Variants in BMPR1B observed in about 807,000 individuals in gnomAD.
BMPR1B encodes the protein bone morphogenetic protein receptor type-1B.
BMPR1B carries 12 observed loss-of-function variants against 59.1 expected under a neutral mutation model. The ratio of observed to expected loss-of-function variants is 0.20; its 90% CI spans 0.13 to 0.33. The LOEUF is 0.33. Among genes scored for constraint, BMPR1B ranks in the 10% least tolerant of loss-of-function variants. The pLI, the probability that BMPR1B is intolerant of heterozygous loss-of-function variation, is 1.00. For missense variants in BMPR1B, 550 were observed against 610.9 expected, an observed-to-expected ratio of 0.90 and a Z score of 1.05; for synonymous variants, 237 against 207.3, an observed-to-expected ratio of 1.14 and a Z score of -1.23.
At chr4:94,857,520 A>C (rs956577445) in intron 1 of BMPR1B, among the ~76,000 whole-genome samples, 1 of 152,214 alleles carries the variant, frequency 6.6e-6, no homozygotes, top group African/African-American at 2.4e-5. Flanking sequence ...AAAAAATTTT[A>C]GTTTACAAAA....
intron 3 of BMPR1B, chr4:95,091,407 A>G (rs1397299260): frequency 2.1e-6 from 2 of 943,348 alleles, no homozygotes; most frequent in Non-Finnish European, 2.5e-6. Flanking sequence ...TTGCCAGCTT[A>G]TAATCAAAGG....
chr4:95,114,645 GACACAC>G lies in BMPR1B; in HGVS notation c.144-56_144-51del, dbSNP rs10622489. 4,412 of 990,256 alleles carry G rather than the reference GACACAC, an allele frequency of 4.5e-3. 105 individuals are homozygous for G. The African/African-American group carries it at 0.062, about 14-fold the overall frequency. The allele number at this position is 990,256 out of a possible 1,614,324, so 61.3% of individuals were successfully genotyped here. On this transcript the variant is annotated intron_variant, in intron 4 of 12. Transcript: ENST00000515059. Reference sequence around the variant, plus strand: ...ACATCACTTATTTCCTTTTCCCCTAGACACACACACACACACACACACACTGACTCA... The same window carrying G: ...ACATCACTTATTTCCTTTTCCCCTAGACACACACACACACACACTGACTCA...
At chr4:95,110,108 A>G (rs868289828) in intron 4 of BMPR1B, among the ~76,000 whole-genome samples, 2 of 151,894 alleles carry the variant, frequency 1.3e-5, no homozygotes, top group African/African-American at 4.8e-5. Flanking sequence ...AGGGCGCTTT[A>G]AAATTATACA....
chr4:95,078,302 A>G (rs1192788588), intron 3 of BMPR1B, among the ~76,000 whole-genome samples: 2 of 152,196 alleles, frequency 1.3e-5, no homozygotes, highest in Non-Finnish European at 2.9e-5. Context: ...ATATTTTTAA[A>G]TTGGTTCTAA....
At chr4:95,131,079 C>A in intron 9 of BMPR1B, 136 bp from the exon 10 acceptor site, 2 of 896,646 alleles carry the variant, frequency 2.2e-6, no homozygotes, top group African/African-American at 1.7e-5. Context: ...CATTTAATAC[C>A]ATCATAGGCA....
At chr4:94,850,940 A>T (rs927843528) in intron 1 of BMPR1B, among the ~76,000 whole-genome samples, 6 of 152,196 alleles carry the variant, frequency 3.9e-5, no homozygotes, top group Admixed American at 3.3e-4. Context: ...GGCTGTGGCT[A>T]GTGCAATGAC....
At chr4:94,862,944 C>CA (rs768809079) in intron 1 of BMPR1B, among the ~76,000 whole-genome samples, 2,404 of 46,566 alleles carry the variant, frequency 0.052, 54 homozygotes, top group Non-Finnish European at 0.073. Context: ...GACTCCGTCT[C>CA]AAAAAAAAAA....
chr4:94,772,366 A>C (rs1452872268), intron 1 of BMPR1B, among the ~76,000 whole-genome samples: 1 of 152,194 alleles, frequency 6.6e-6, no homozygotes, highest in Non-Finnish European at 1.5e-5. Context: ...AGGCAGAGTT[A>C]CTGTAAAAAA....
intron 2 of BMPR1B, among the ~76,000 whole-genome samples, chr4:94,982,574 T>C (rs545043434): frequency 8.5e-5 from 13 of 152,316 alleles, no homozygotes; most frequent in South Asian, 6.2e-4. Flanking sequence ...GGTATCTGGA[T>C]TTTTAAAAAA....
At chr4:95,149,641 G>A (rs542358697) in intron 11 of BMPR1B, among the ~76,000 whole-genome samples, 1 of 152,114 alleles carries the variant, frequency 6.6e-6, no homozygotes, top group Non-Finnish European at 1.5e-5. Flanking sequence ...TGGCTTTTCT[G>A]TATCAACTCT....
chr4:95,017,272 A>G (rs1457606784), intron 3 of BMPR1B, among the ~76,000 whole-genome samples: 2 of 152,204 alleles, frequency 1.3e-5, no homozygotes, highest in Non-Finnish European at 2.9e-5. Context: ...GCCAGGTTCC[A>G]GTGTATAATT....
At chr4:94,946,803 C>T (rs561755119) in intron 2 of BMPR1B, among the ~76,000 whole-genome samples, 51 of 152,178 alleles carry the variant, frequency 3.4e-4, no homozygotes, top group African/African-American at 1.2e-3. Flanking sequence ...GTAATCCCAC[C>T]ACTTTGGGAG....
At chr4:95,148,399 T>G (rs910066498) in intron 10 of BMPR1B, among the ~76,000 whole-genome samples, 16 of 151,974 alleles carry the variant, frequency 1.1e-4, no homozygotes, top group Non-Finnish European at 2.2e-4. Context: ...TGACTGAGTT[T>G]TATCTTCATT....
chr4:94,908,052 C>A (rs1197850518), intron 2 of BMPR1B, among the ~76,000 whole-genome samples: 1 of 84,462 alleles, frequency 1.2e-5, no homozygotes, highest in Non-Finnish European at 2.3e-5. Flanking sequence ...TGCAGTGAGA[C>A]CCTGTCTTTA....
At chr4:95,139,217 C>T (rs566926353) in intron 10 of BMPR1B, among the ~76,000 whole-genome samples, 2 of 152,308 alleles carry the variant, frequency 1.3e-5, no homozygotes, top group South Asian at 4.1e-4. Flanking sequence ...CCAGCGGAGG[C>T]TGCAGAACAG....
At chr4:94,869,574 T>C (rs1726398091) in intron 1 of BMPR1B, among the ~76,000 whole-genome samples, 2 of 152,192 alleles carry the variant, frequency 1.3e-5, no homozygotes, top group South Asian at 2.1e-4. Flanking sequence ...TATTCCTTTT[T>C]CTTCTTTTAG....
intron 2 of BMPR1B, among the ~76,000 whole-genome samples, chr4:94,923,149 T>C (rs781761928): frequency 1.3e-5 from 2 of 152,168 alleles, no homozygotes; most frequent in Non-Finnish European, 2.9e-5. Context: ...TGTCAGACAT[T>C]TTGCTTTGTA....
At chr4:95,132,814 C>A (rs1733465052) in intron 10 of BMPR1B, among the ~76,000 whole-genome samples, 1 of 152,190 alleles carries the variant, frequency 6.6e-6, no homozygotes, top group African/African-American at 2.4e-5. Flanking sequence ...GTTCCATTCT[C>A]TTTGGACACT....
At chr4:94,777,275 C>T (rs559195616) in intron 1 of BMPR1B, among the ~76,000 whole-genome samples, 2 of 151,786 alleles carry the variant, frequency 1.3e-5, no homozygotes, top group South Asian at 4.2e-4. Flanking sequence ...CTCCATAAGC[C>T]TCAGAAAAAG....
Sources: allele counts gnomAD v4.1 joint callset (sites outside exome capture counted in the v4.1 genomes callset), GRCh38; gene constraint gnomAD v4.1.1; transcripts MANE v1.5; gene names NCBI Gene and HGNC (gene_info 2026-07-23, HGNC 2026-07-21).